CHEK1: variants seen among roughly 807,000 people sequenced by gnomAD.
CHEK1 encodes the protein serine/threonine-protein kinase Chk1.
In CHEK1, 32 loss-of-function variants were observed where a neutral mutation model predicts 60.2. The ratio of observed to expected loss-of-function variants is 0.53; its 90% CI spans 0.40 to 0.71. CHEK1 has a LOEUF of 0.71. Among genes scored for constraint, CHEK1 ranks in the 30% least tolerant of loss-of-function variants. The pLI is 0.00. For missense variants in CHEK1, 399 were observed against 564.6 expected, an observed-to-expected ratio of 0.71 and a Z score of 2.97; for synonymous variants, 179 against 187.2, an observed-to-expected ratio of 0.96 and a Z score of 0.36.
At chr11:125,665,768 A>G (rs1942087237) in intron 13 of CHEK1, among the ~76,000 whole-genome samples, 1 of 150,130 alleles carries the variant, frequency 6.7e-6, no homozygotes, top group South Asian at 2.1e-4. Flanking sequence ...TTTGGCATAT[A>G]GTGTTCATGA....
At chr11:125,633,372 G>A (rs1030725232) in intron 6 of CHEK1, 21 bp downstream of exon 6, 1 of 1,497,724 alleles carries the variant, frequency 6.7e-7, no homozygotes. Context: ...TTTAATCATG[G>A]TAAAACTCCT....
intron 12 of CHEK1, among the ~76,000 whole-genome samples, chr11:125,654,557 A>AT (rs1262141016): frequency 2.6e-5 from 4 of 152,016 alleles, no homozygotes; most frequent in Non-Finnish European, 5.9e-5. Context: ...TTATGCATAG[A>AT]TTTTTTTGTT....
intron 12 of CHEK1, among the ~76,000 whole-genome samples, chr11:125,654,553 A>G (rs1941844589): frequency 6.6e-6 from 1 of 152,132 alleles, no homozygotes; most frequent in Non-Finnish European, 1.5e-5. Flanking sequence ...TATTTTATGC[A>G]TAGATTTTTT....
chr11:125,668,408 T>C (rs914162471), intron 13 of CHEK1, among the ~76,000 whole-genome samples: 4 of 152,230 alleles, frequency 2.6e-5, no homozygotes, highest in Non-Finnish European at 5.9e-5. Flanking sequence ...AAGACCACTG[T>C]AGTGATGATG....
intron 8 of CHEK1, among the ~76,000 whole-genome samples, chr11:125,641,665 C>T (rs1178784005): frequency 1.3e-5 from 2 of 152,102 alleles, no homozygotes; most frequent in African/African-American, 4.8e-5. Context: ...CTGCATTATT[C>T]TTATTATGCA....
intron 3 of CHEK1, among the ~76,000 whole-genome samples, chr11:125,628,571 CTG>C (rs1367423344): frequency 6.6e-6 from 1 of 152,110 alleles, no homozygotes; most frequent in Non-Finnish European, 1.5e-5. Flanking sequence ...CATAATAAAA[CTG>C]TTTCACGAAG....
chr11:125,646,171 C>T (rs538906113), intron 11 of CHEK1, among the ~76,000 whole-genome samples: 1 of 151,988 alleles, frequency 6.6e-6, no homozygotes. Flanking sequence ...CAGACAACCT[C>T]GAATCTACTT....
At chr11:125,648,427 A>C (rs930540402) in intron 11 of CHEK1, among the ~76,000 whole-genome samples, 1 of 152,020 alleles carries the variant, frequency 6.6e-6, no homozygotes, top group Non-Finnish European at 1.5e-5. Flanking sequence ...CTAAAAATAC[A>C]AAAAATTAGC....
chr11:125,632,097 T>C (rs1378740537), intron 5 of CHEK1, among the ~76,000 whole-genome samples: 2 of 152,120 alleles, frequency 1.3e-5, no homozygotes, highest in Non-Finnish European at 1.5e-5. Context: ...ATAATATTTT[T>C]TATGCTATAA....
chr11:125,673,984 C>T (rs1367854892), intron 13 of CHEK1, among the ~76,000 whole-genome samples: 3 of 152,090 alleles, frequency 2.0e-5, no homozygotes, highest in Admixed American at 2.0e-4. Flanking sequence ...AATGGTGAAA[C>T]ACTGTCCCTG....
At position 125,655,946 on chromosome 11, in the gene CHEK1, T is replaced by G. The variant is rs536408620; in HGVS notation, c.*626T>G. ...TTGTATTTTACAGTGTTGCATAAAC[T>G]CTAGTGCTTAACTAACTTTACTCTA... On this transcript the variant is annotated 3_prime_UTR_variant, in exon 13 of 13. Transcript: ENST00000438015. 2 of 208,880 alleles carry G rather than the reference T, an allele frequency of 9.6e-6. No homozygotes were observed. Among genetic ancestry groups the G allele is most frequent in the South Asian group, 1.9e-4 (1 of 5,354 alleles). 12.9% of individuals were successfully genotyped at this position (208,880 alleles called of 1,614,324 possible). A position where few individuals can be genotyped will look rare whatever the true frequency, so the allele number is the denominator to read the frequency against.
chr11:125,678,977 ATTATATAT>A (rs1430320377), downstream of CHEK1, among the ~76,000 whole-genome samples: 4 of 15,286 alleles, frequency 2.6e-4, no homozygotes, highest in African/African-American at 7.4e-4. Flanking sequence ...GTCTAGGCAT[ATTATATAT>A]ATATATATAT....
At chr11:125,627,914 C>A in intron 3 of CHEK1, 84 bp downstream of exon 3, 1 of 1,114,432 alleles carries the variant, frequency 9.0e-7, no homozygotes, top group South Asian at 1.7e-5. Context: ...TGGTCGTTGT[C>A]CTTTCAAAAT....
downstream of CHEK1, chr11:125,678,096 G>T: frequency 6.2e-7 from 1 of 1,614,226 alleles, no homozygotes; most frequent in Non-Finnish European, 8.5e-7. Context: ...ATGTTCTCCA[G>T]AAGTGTGCTC....
intron 8 of CHEK1, among the ~76,000 whole-genome samples, chr11:125,638,211 G>A (rs1455689140): frequency 2.0e-5 from 3 of 152,010 alleles, no homozygotes; most frequent in Admixed American, 6.6e-5. Context: ...TCATATCTTC[G>A]GTTTAAAAAT....
rs1450631260 is a variant in CHEK1 at position 125,625,938 on chromosome 11, A to T, written c.-95A>T. On this transcript the variant is annotated 5_prime_UTR_variant, in exon 1 of 13. Coordinates refer to ENST00000438015, the MANE Select transcript of CHEK1 (RefSeq NM_001114122.3). ...CGGCGCGGGTGCGCGAGTTTGCGGCAGCGTGACGCCCTCAAGTTTTGGCGG... is the reference window on the plus strand; with the variant it reads ...CGGCGCGGGTGCGCGAGTTTGCGGCTGCGTGACGCCCTCAAGTTTTGGCGG... The T allele has an allele frequency of 1.4e-6, 1 of 702,620 alleles. No individual in the cohort carries two copies. Among genetic ancestry groups the T allele is most frequent in the South Asian group, 1.5e-5 (1 of 67,604 alleles). 43.5% of individuals were successfully genotyped at this position (702,620 alleles called of 1,614,324 possible). A position where few individuals can be genotyped will look rare whatever the true frequency, so the allele number is the denominator to read the frequency against.
intron 13 of CHEK1, among the ~76,000 whole-genome samples, chr11:125,662,700 C>T (rs1405922383): frequency 6.6e-6 from 1 of 152,160 alleles, no homozygotes; most frequent in Non-Finnish European, 1.5e-5. Context: ...TATCTACAGG[C>T]TTTTGTGTGA....
At chr11:125,641,485 A>C (rs1941304027) in intron 8 of CHEK1, among the ~76,000 whole-genome samples, 1 of 152,144 alleles carries the variant, frequency 6.6e-6, no homozygotes, top group African/African-American at 2.4e-5. Context: ...CATTTATATC[A>C]ACCTAGACCT....
intron 11 of CHEK1, among the ~76,000 whole-genome samples, chr11:125,647,980 C>A (rs1941559897): frequency 6.6e-6 from 1 of 152,126 alleles, no homozygotes; most frequent in South Asian, 2.1e-4. Context: ...CTAATAGTAA[C>A]TCTTCTAATC....
Sources: allele counts gnomAD v4.1 joint callset (sites outside exome capture counted in the v4.1 genomes callset), GRCh38; gene constraint gnomAD v4.1.1; transcripts MANE v1.5; gene names NCBI Gene and HGNC (gene_info 2026-07-23, HGNC 2026-07-21).